GADL1: variants seen among roughly 807,000 people sequenced by gnomAD.
GADL1 encodes the protein acidic amino acid decarboxylase GADL1.
GADL1 carries 71 observed loss-of-function variants against 69.5 expected under a neutral mutation model. The observed-to-expected ratio is 1.02, with a 90% CI of 0.84 to 1.25. The LOEUF is 1.25. Among genes scored for constraint, GADL1 ranks in the 50% most tolerant of loss-of-function variants. The probability of loss-of-function intolerance (pLI) is 0.00; values close to 1 mark genes in which losing one functional copy is unlikely to be tolerated. For missense variants in GADL1, 737 were observed against 631.8 expected, an observed-to-expected ratio of 1.17 and a Z score of -1.79; for synonymous variants, 254 against 214.4, an observed-to-expected ratio of 1.18 and a Z score of -1.62.
intron 14 of GADL1, among the ~76,000 whole-genome samples, chr3:30,761,084 G>A (rs1295108635): frequency 1.3e-5 from 2 of 152,088 alleles, no homozygotes; most frequent in African/African-American, 2.4e-5. Context: ...AAAGCTATCG[G>A]GTTTCATATA....
At chr3:30,755,563 A>T (rs537504225) in intron 14 of GADL1, among the ~76,000 whole-genome samples, 1 of 149,982 alleles carries the variant, frequency 6.7e-6, no homozygotes, top group South Asian at 2.2e-4. Flanking sequence ...ATATGTTACG[A>T]CAGGAAATCG....
intron 4 of GADL1, among the ~76,000 whole-genome samples, chr3:30,853,969 T>C (rs1401758347): frequency 1.3e-5 from 2 of 152,100 alleles, no homozygotes; most frequent in African/African-American, 4.8e-5. Flanking sequence ...ATAAACATGG[T>C]CACCTGGGCC....
chr3:30,844,971 TAAGGA>T (rs1698031021), intron 6 of GADL1, among the ~76,000 whole-genome samples: 1 of 151,996 alleles, frequency 6.6e-6, no homozygotes, highest in Non-Finnish European at 1.5e-5. Context: ...TGAAACCCTC[TAAGGA>T]GAGGGCAAGA....
At chr3:30,860,900 A>T (rs1698309957) in intron 2 of GADL1, among the ~76,000 whole-genome samples, 1 of 151,938 alleles carries the variant, frequency 6.6e-6, no homozygotes, top group Non-Finnish European at 1.5e-5. Context: ...TTTCTTTCCC[A>T]GCTCTAAAAT....
At chr3:30,863,229 C>T (rs1575239464) in intron 1 of GADL1, among the ~76,000 whole-genome samples, 1 of 151,942 alleles carries the variant, frequency 6.6e-6, no homozygotes, top group Non-Finnish European at 1.5e-5. Flanking sequence ...ACAGATACTG[C>T]TTTGTCCCTG....
At chr3:30,783,393 A>G (rs1026185234) in intron 13 of GADL1, among the ~76,000 whole-genome samples, 1 of 152,202 alleles carries the variant, frequency 6.6e-6, no homozygotes, top group Admixed American at 6.5e-5. Context: ...AAAATAATAC[A>G]TTTCTTGAAG....
intron 14 of GADL1, among the ~76,000 whole-genome samples, chr3:30,769,779 A>AT (rs1696375599): frequency 6.6e-6 from 1 of 152,174 alleles, no homozygotes; most frequent in Non-Finnish European, 1.5e-5. Context: ...ACAGTATGAG[A>AT]CCGTTATCTT....
chr3:30,807,796 C>T (rs574662374), intron 11 of GADL1, among the ~76,000 whole-genome samples: 1 of 152,264 alleles, frequency 6.6e-6, no homozygotes, highest in African/African-American at 2.4e-5. Context: ...CTTTGGGAGG[C>T]TGAGTCGGGC....
At chr3:30,857,229 G>T in intron 2 of GADL1, 88 bp from the exon 3 acceptor site, 2 of 1,115,516 alleles carry the variant, frequency 1.8e-6, no homozygotes, top group Middle Eastern at 2.0e-4. Context: ...CCATTACAAA[G>T]CTTCTGGGCA....
At chr3:30,874,177 G>A (rs1282100654) in intron 1 of GADL1, among the ~76,000 whole-genome samples, 3 of 151,848 alleles carry the variant, frequency 2.0e-5, no homozygotes, top group Non-Finnish European at 4.4e-5. Flanking sequence ...ATCCCTTTAT[G>A]CCACACAGAT....
At chr3:30,805,779 C>CATGGGAGA (rs1193255131) in intron 11 of GADL1, among the ~76,000 whole-genome samples, 1 of 121,878 alleles carries the variant, frequency 8.2e-6, no homozygotes, top group Non-Finnish European at 1.6e-5. Flanking sequence ...GACCAGTGCT[C>CATGGGAGA]ATGGGAGACA....
intron 14 of GADL1, among the ~76,000 whole-genome samples, chr3:30,750,957 T>G (rs935511671): frequency 2.0e-5 from 3 of 152,040 alleles, no homozygotes; most frequent in Non-Finnish European, 4.4e-5. Context: ...TTGTAATAAA[T>G]ATAAAAGAAG....
At chr3:30,845,076 T>C (rs1209523112) in intron 6 of GADL1, among the ~76,000 whole-genome samples, 3 of 152,148 alleles carry the variant, frequency 2.0e-5, no homozygotes, top group African/African-American at 7.2e-5. Flanking sequence ...ATCAGACACT[T>C]GACCAATCTT....
chr3:30,820,532 GTT>G (rs1208784329), intron 11 of GADL1, among the ~76,000 whole-genome samples: 1 of 152,078 alleles, frequency 6.6e-6, no homozygotes, highest in African/African-American at 2.4e-5. Flanking sequence ...TATTTCAAAA[GTT>G]TTTCTTACAT....
chr3:30,894,619 G>A lies in GADL1; in HGVS notation c.-5C>T. The A allele has an allele frequency of 1.3e-6, 2 of 1,550,436 alleles. No homozygotes were observed. Among genetic ancestry groups the A allele is most frequent in the Non-Finnish European group, 1.7e-6 (2 of 1,146,428 alleles). ...GCGGTCCGAGTCGCTGCTCATCTCC[G>A]CTCCCCCACTCCAGGCTGCCCCGGG... is the stretch of plus-strand genomic sequence containing the variant. On this transcript the variant is annotated 5_prime_UTR_variant, in exon 1 of 15. Transcript: ENST00000282538.
At chr3:30,743,858 TGAAACTCTAA>T (rs1301731708) in intron 14 of GADL1, among the ~76,000 whole-genome samples, 1 of 152,192 alleles carries the variant, frequency 6.6e-6, no homozygotes, top group Non-Finnish European at 1.5e-5. Flanking sequence ...ACTTCTGAGC[TGAAACTCTAA>T]GAGTCATTGT....
At position 30,878,738 on chromosome 3, in the gene GADL1, G is replaced by A. The variant is rs577270124; in HGVS notation, c.37+15840C>T. Among the ~76,000 whole-genome samples, 13 of 151,954 alleles carry A rather than the reference G, an allele frequency of 8.6e-5. No individual in the cohort carries two copies. In the East Asian group the frequency reaches 1.9e-3, roughly 23 times the overall value. On this transcript the variant is annotated intron_variant, in intron 1 of 14. Coordinates refer to ENST00000282538, the MANE Select transcript of GADL1 (RefSeq NM_207359.3). ...GCAGTCAATTCCATTTGTTTTAAGC[G>A]TATTGTGGTGCTATCATTTTTATGA... is the stretch of plus-strand genomic sequence containing the variant.
Position 30,857,135 on chromosome 3 carries a change from C to T in GADL1, c.217G>A (p.Glu73Lys), listed in dbSNP as rs1575236874. 4 of 1,550,070 alleles carry T rather than the reference C, an allele frequency of 2.6e-6. No homozygotes were observed. The highest frequency in any genetic ancestry group is 1.2e-5 in the South Asian group (1 of 83,978). ...KATDVNEKVC[E>K]WRPPEQLKQL... Reference sequence around the variant, plus strand: ...TTCAGTTGTTCAGGAGGCCTCCATTCACACACCTGGAGATTCAACCACAAC... The same window carrying T: ...TTCAGTTGTTCAGGAGGCCTCCATTTACACACCTGGAGATTCAACCACAAC... Residue 73 changes from glutamate (E) to lysine (K), a missense_variant, in exon 3 of 15, where the codon GAA becomes AAA. Transcript: ENST00000282538.
At chr3:30,867,996 AATATACTTTTAAAACCTC>A (rs1424926961) in intron 1 of GADL1, among the ~76,000 whole-genome samples, 1 of 152,154 alleles carries the variant, frequency 6.6e-6, no homozygotes, top group African/African-American at 2.4e-5. Context: ...ACTAATAAAT[AATATACTTTTAAAACCTC>A]ATCACTTCTG....
Sources: gnomAD v4.1 joint callset for allele counts (sites outside exome capture counted in the v4.1 genomes callset) on GRCh38, gnomAD v4.1.1 for gene constraint, MANE v1.5 for transcripts, NCBI Gene and HGNC (gene_info 2026-07-23, HGNC 2026-07-21) for gene names.